Variants in DCC observed in about 807,000 individuals in gnomAD.
DCC encodes DCC netrin 1 receptor.
Under a neutral mutation model 172.5 loss-of-function variants are expected in DCC, and 58 were observed. The ratio of observed to expected loss-of-function variants is 0.34; its 90% CI spans 0.27 to 0.42. The LOEUF is 0.42. Among genes scored for constraint, DCC ranks in the 10% least tolerant of loss-of-function variants. The pLI, the probability that DCC is intolerant of heterozygous loss-of-function variation, is 1.00. For missense variants in DCC, 1,740 were observed against 1,791.0 expected, an observed-to-expected ratio of 0.97 and a Z score of 0.51; for synonymous variants, 709 against 644.5, an observed-to-expected ratio of 1.10 and a Z score of -1.52.
intron 1 of DCC, among the ~76,000 whole-genome samples, chr18:52,387,958 T>C (rs927293565): frequency 6.6e-6 from 1 of 151,972 alleles, no homozygotes. Flanking sequence ...CTGCCCAGAG[T>C]TGACCCTTGA....
chr18:52,724,951 C>T (rs1277071104), intron 1 of DCC, among the ~76,000 whole-genome samples: 1 of 152,150 alleles, frequency 6.6e-6, no homozygotes. Context: ...TTTGAAACTT[C>T]AGCTTGATGG....
intron 8 of DCC, among the ~76,000 whole-genome samples, chr18:53,175,156 A>G (rs1229007029): frequency 1.3e-5 from 2 of 152,196 alleles, no homozygotes; most frequent in African/African-American, 4.8e-5. Context: ...TCAATAAATT[A>G]GGTATTGATG....
intron 1 of DCC, among the ~76,000 whole-genome samples, chr18:52,673,817 TAA>T (rs1287590494): frequency 1.3e-5 from 2 of 152,166 alleles, no homozygotes; most frequent in African/African-American, 4.8e-5. Context: ...CATGATGGGG[TAA>T]ACTCTTCTAC....
At position 52,501,064 on chromosome 18, in the gene DCC, G is replaced by A. The variant is rs78629193; in HGVS notation, c.91+160186G>A. On this transcript the variant is annotated intron_variant, in intron 1 of 28. Coordinates refer to ENST00000442544, the MANE Select transcript of DCC (RefSeq NM_005215.4). The stretch of plus-strand genomic sequence containing the variant: ...GCCACAGATTCCCTCAAATAACTGC[G>A]TAACATTGAGAGGAAGGAAAAAATC... Among the ~76,000 whole-genome samples the A allele has an allele frequency of 8.1e-3, 1,236 of 152,144 alleles. 21 individuals are homozygous for A. Among genetic ancestry groups the A allele is most frequent in the African/African-American group, 0.028 (1,182 of 41,512 alleles).
intron 21 of DCC, among the ~76,000 whole-genome samples, chr18:53,432,052 A>G (rs149869161): frequency 6.6e-6 from 1 of 152,172 alleles, no homozygotes; most frequent in African/African-American, 2.4e-5. Context: ...AAATATAACT[A>G]TGAAACATAT....
intron 14 of DCC, among the ~76,000 whole-genome samples, chr18:53,336,906 T>C (rs10469023): frequency 0.1 from 15,303 of 152,166 alleles, 824 homozygotes; most frequent in Middle Eastern, 0.19. Flanking sequence ...CTAATTAGGA[T>C]TTAGATGAAG....
chr18:52,406,743 GT>G (rs1268160766), intron 1 of DCC, among the ~76,000 whole-genome samples: 1 of 152,084 alleles, frequency 6.6e-6, no homozygotes, highest in East Asian at 1.9e-4. Context: ...ATGTTTTACA[GT>G]TTGGGAGGTA....
intron 5 of DCC, among the ~76,000 whole-genome samples, chr18:53,002,146 G>T (rs1176318084): frequency 6.6e-6 from 1 of 151,974 alleles, no homozygotes; most frequent in Admixed American, 6.6e-5. Flanking sequence ...CCCAGCTTAT[G>T]CACGTCTTAA....
intron 26 of DCC, among the ~76,000 whole-genome samples, chr18:53,496,020 T>G (rs1164539260): frequency 6.6e-6 from 1 of 152,130 alleles, no homozygotes; most frequent in East Asian, 1.9e-4. Flanking sequence ...GGGGCAGCTA[T>G]GGGCACAGCT....
chr18:53,409,700 G>C (rs533211445), intron 19 of DCC, among the ~76,000 whole-genome samples: 1 of 152,122 alleles, frequency 6.6e-6, no homozygotes, highest in Non-Finnish European at 1.5e-5. Context: ...TAGCACTCAA[G>C]TAACATATCC....
At chr18:52,349,283 AG>A (rs1483852777) in intron 1 of DCC, among the ~76,000 whole-genome samples, 1 of 152,182 alleles carries the variant, frequency 6.6e-6, no homozygotes, top group African/African-American at 2.4e-5. Context: ...GTACTTGCAG[AG>A]GCCTCTGTAG....
intron 15 of DCC, among the ~76,000 whole-genome samples, chr18:53,355,679 A>G (rs902962057): frequency 8.5e-5 from 13 of 152,184 alleles, no homozygotes; most frequent in Admixed American, 3.9e-4. Context: ...GGCTGAGACA[A>G]TGGGGTTTTC....
At chr18:53,097,757 G>A (rs2043107859) in intron 7 of DCC, among the ~76,000 whole-genome samples, 1 of 152,212 alleles carries the variant, frequency 6.6e-6, no homozygotes, top group African/African-American at 2.4e-5. Context: ...TTCCTCTTCT[G>A]CAGAAGGCCA....
At chr18:53,454,266 G>A (rs2045455608) in intron 23 of DCC, among the ~76,000 whole-genome samples, 1 of 152,186 alleles carries the variant, frequency 6.6e-6, no homozygotes, top group Admixed American at 6.5e-5. Context: ...GATCACTTAA[G>A]CCTGGGATGT....
At chr18:53,498,359 C>G (rs534410977) in intron 26 of DCC, among the ~76,000 whole-genome samples, 1 of 152,114 alleles carries the variant, frequency 6.6e-6, no homozygotes, top group Non-Finnish European at 1.5e-5. Context: ...TTTGATTTAT[C>G]TGACAAAACT....
intron 5 of DCC, among the ~76,000 whole-genome samples, chr18:53,041,952 CAG>C (rs1568264282): frequency 6.6e-6 from 1 of 151,998 alleles, no homozygotes; most frequent in Non-Finnish European, 1.5e-5. Context: ...CATCTGCAAA[CAG>C]AGATAATTTG....
intron 14 of DCC, among the ~76,000 whole-genome samples, chr18:53,338,630 G>C (rs1350122362): frequency 1.3e-5 from 2 of 152,120 alleles, no homozygotes; most frequent in Non-Finnish European, 2.9e-5. Context: ...ATTGAATAAT[G>C]ATCAGTGTCC....
chr18:53,369,749 A>G (rs1376983604), intron 15 of DCC, among the ~76,000 whole-genome samples: 2 of 151,746 alleles, frequency 1.3e-5, no homozygotes, highest in Non-Finnish European at 3.0e-5. Context: ...TCTTCACTTT[A>G]TTAGTCTGGT....
intron 27 of DCC, among the ~76,000 whole-genome samples, chr18:53,501,054 G>A (rs1288607188): frequency 6.6e-6 from 1 of 152,070 alleles, no homozygotes; most frequent in Admixed American, 6.6e-5. Flanking sequence ...TGTGATTTCT[G>A]GCTGCATCTG....
Sources: gnomAD v4.1 joint callset for allele counts (sites outside exome capture counted in the v4.1 genomes callset) on GRCh38, gnomAD v4.1.1 for gene constraint, MANE v1.5 for transcripts, NCBI Gene and HGNC (gene_info 2026-07-23, HGNC 2026-07-21) for gene names.